LHFPL3: variants seen among roughly 807,000 people sequenced by gnomAD.
LHFPL3 encodes LHFPL tetraspan subfamily member 3.
In LHFPL3, 5 loss-of-function variants were observed where a neutral mutation model predicts 19.3. The ratio of observed to expected loss-of-function variants is 0.26; its 90% CI spans 0.14 to 0.54. The LOEUF is 0.54. Ranked by LOEUF, LHFPL3 falls within the 20% of genes least tolerant of loss-of-function variation. The pLI, the probability that LHFPL3 is intolerant of heterozygous loss-of-function variation, is 0.94. For synonymous variants in LHFPL3, 133 were observed against 126.2 expected (o/e 1.05, Z -0.36); for missense variants, 249 against 307.4 (o/e 0.81, Z 1.42).
intron 1 of LHFPL3, among the ~76,000 whole-genome samples, chr7:104,563,487 A>T (rs183913047): frequency 0.013 from 1,932 of 152,310 alleles, no homozygotes; most frequent in African/African-American, 0.044. Flanking sequence ...CAGAAAGGGA[A>T]CTCCCTGACC....
chr7:104,638,915 G>A (rs1452775210), intron 1 of LHFPL3, among the ~76,000 whole-genome samples: 9 of 151,270 alleles, frequency 5.9e-5, no homozygotes, highest in East Asian at 2.0e-4. Context: ...CTACTGACAC[G>A]CCTCACCACA....
At chr7:104,628,218 G>A (rs927294082) in intron 1 of LHFPL3, among the ~76,000 whole-genome samples, 1 of 152,090 alleles carries the variant, frequency 6.6e-6, no homozygotes, top group Non-Finnish European at 1.5e-5. Context: ...AATTCTGCAT[G>A]GATATGGAAT....
chr7:104,498,309 G>A lies in LHFPL3; in HGVS notation c.445+169085G>A, dbSNP rs369808518. On this transcript the variant is annotated intron_variant, in intron 1 of 2. Transcript: ENST00000424859. ...TTCCCATGAGTCTACAAAAGGTTAG[G>A]ACCCATGAGTTCTATCAAACTGTCT... 1.2e-4 allele frequency among the ~76,000 whole-genome samples: 19 copies of A among 152,172 alleles called. No individual in the cohort carries two copies. The East Asian group carries it at 3.3e-3, about 26-fold the overall frequency.
chr7:104,396,082 A>G lies in LHFPL3; in HGVS notation c.445+66858A>G, dbSNP rs192013048. Reference sequence around the variant, plus strand: ...ATCCTGCCCACTCTGTAGAGCAGCTATCCCTGGCCTTGGGTTCACATGGTA... The same window carrying G: ...ATCCTGCCCACTCTGTAGAGCAGCTGTCCCTGGCCTTGGGTTCACATGGTA... On this transcript the variant is annotated intron_variant, in intron 1 of 2. Coordinates refer to ENST00000424859, the MANE Select transcript of LHFPL3 (RefSeq NM_199000.3). 2.4e-4 allele frequency among the ~76,000 whole-genome samples: 37 copies of G among 152,278 alleles called. No individual in the cohort carries two copies. The East Asian group carries it at 3.5e-3, about 14-fold the overall frequency.
intron 1 of LHFPL3, among the ~76,000 whole-genome samples, chr7:104,536,124 C>T (rs1045711461): frequency 6.6e-6 from 1 of 152,284 alleles, no homozygotes; most frequent in Non-Finnish European, 1.5e-5. Context: ...AAGGGAGAAC[C>T]AAACTCATAT....
chr7:104,381,026 T>G (rs1278997729), intron 1 of LHFPL3, among the ~76,000 whole-genome samples: 1 of 152,162 alleles, frequency 6.6e-6, no homozygotes, highest in East Asian at 1.9e-4. Context: ...TTGGTAAAAC[T>G]TTTTTAAAAT....
chr7:104,429,531 G>T (rs2116552647), intron 1 of LHFPL3, among the ~76,000 whole-genome samples: 1 of 151,200 alleles, frequency 6.6e-6, no homozygotes, highest in East Asian at 1.9e-4. Flanking sequence ...GGCCAGGCTG[G>T]TCTCAAACTG....
intron 1 of LHFPL3, among the ~76,000 whole-genome samples, chr7:104,410,263 G>T (rs1378624105): frequency 6.6e-6 from 1 of 152,126 alleles, no homozygotes; most frequent in South Asian, 2.1e-4. Flanking sequence ...CTCCCAAATA[G>T]CTGGGATTAC....
chr7:104,797,750 A>C (rs1320570877), intron 2 of LHFPL3, among the ~76,000 whole-genome samples: 1 of 126,530 alleles, frequency 7.9e-6, no homozygotes, highest in Non-Finnish European at 1.8e-5. Flanking sequence ...CCCCATCTCT[A>C]CAAAAAAAAA....
intron 1 of LHFPL3, among the ~76,000 whole-genome samples, chr7:104,424,083 C>G (rs541862752): frequency 2.0e-5 from 3 of 152,044 alleles, no homozygotes; most frequent in Non-Finnish European, 4.4e-5. Context: ...CTAGTGCTTT[C>G]GAAAGAAATT....
chr7:104,734,026 C>T (rs1456326289), intron 1 of LHFPL3, among the ~76,000 whole-genome samples: 1 of 152,156 alleles, frequency 6.6e-6, no homozygotes, highest in East Asian at 1.9e-4. Flanking sequence ...AAATTCTTTT[C>T]TTTAAGAATG....
chr7:104,456,326 A>T (rs1048037656), intron 1 of LHFPL3, among the ~76,000 whole-genome samples: 12 of 152,212 alleles, frequency 7.9e-5, no homozygotes, highest in Non-Finnish European at 1.5e-5. Flanking sequence ...AAATGCATAC[A>T]TGGAGGATTA....
Position 104,718,615 on chromosome 7 carries a change from T to G in LHFPL3, c.446-18060T>G, listed in dbSNP as rs546282593. Among the ~76,000 whole-genome samples the G allele has an allele frequency of 3.9e-5, 6 of 152,266 alleles. No individual in the cohort carries two copies. The South Asian group carries it at 1.2e-3, about 32-fold the overall frequency. On this transcript the variant is annotated intron_variant, in intron 1 of 2. Coordinates refer to ENST00000424859, the MANE Select transcript of LHFPL3 (RefSeq NM_199000.3). ...CTCCACCTGCTGTGCAGGAAGACATTTAGTCAGCTTGTGAATTACTAGGTT... is the reference window on the plus strand; with the variant it reads ...CTCCACCTGCTGTGCAGGAAGACATGTAGTCAGCTTGTGAATTACTAGGTT...
chr7:104,814,917 G>T (rs528504851), intron 2 of LHFPL3, among the ~76,000 whole-genome samples: 1 of 152,204 alleles, frequency 6.6e-6, no homozygotes, highest in African/African-American at 2.4e-5. Flanking sequence ...GCCTGCAAGG[G>T]CAGGGGTGCC....
intron 1 of LHFPL3, among the ~76,000 whole-genome samples, chr7:104,452,529 C>G (rs1792460636): frequency 6.6e-6 from 1 of 152,030 alleles, no homozygotes; most frequent in African/African-American, 2.4e-5. Context: ...AAAATAAAAT[C>G]AAAGGCACTT....
chr7:104,512,035 A>C (rs572564401), intron 1 of LHFPL3, among the ~76,000 whole-genome samples: 1 of 148,498 alleles, frequency 6.7e-6, no homozygotes, highest in South Asian at 2.1e-4. Flanking sequence ...GCTCACTGCA[A>C]CCTCCACCTC....
At chr7:104,431,365 G>T (rs1791999901) in intron 1 of LHFPL3, among the ~76,000 whole-genome samples, 1 of 152,082 alleles carries the variant, frequency 6.6e-6, no homozygotes, top group Non-Finnish European at 1.5e-5. Flanking sequence ...TTTCCCCAAT[G>T]AGACTCCTTC....
At chr7:104,660,886 C>G (rs1280198634) in intron 1 of LHFPL3, among the ~76,000 whole-genome samples, 1 of 152,224 alleles carries the variant, frequency 6.6e-6, no homozygotes, top group Non-Finnish European at 1.5e-5. Flanking sequence ...TTTCAGGACA[C>G]TAGACCACTT....
intron 1 of LHFPL3, among the ~76,000 whole-genome samples, chr7:104,344,662 C>G (rs1047237743): frequency 6.6e-6 from 1 of 152,158 alleles, no homozygotes; most frequent in Non-Finnish European, 1.5e-5. Context: ...TTTAGCCACA[C>G]ATTAATTGAT....
Sources: allele counts gnomAD v4.1 joint callset (sites outside exome capture counted in the v4.1 genomes callset), GRCh38; gene constraint gnomAD v4.1.1; transcripts MANE v1.5; gene names NCBI Gene and HGNC (gene_info 2026-07-23, HGNC 2026-07-21).